Variants in ZNF844 observed in about 807,000 individuals in gnomAD.
ZNF844 encodes zinc finger protein 844.
A neutral mutation model predicts 11.4 loss-of-function variants in ZNF844; 11 were observed. That is an observed-to-expected ratio of 0.97 (90% confidence interval 0.61 to 1.60). The LOEUF (loss-of-function observed/expected upper bound fraction) is 1.60, where lower values mean the gene tolerates loss of function less well. Among genes scored for constraint, ZNF844 ranks in the 40% most tolerant of loss-of-function variants. ZNF844 has a pLI of 0.00. For missense variants in ZNF844, 790 were observed against 796.8 expected, an observed-to-expected ratio of 0.99 and a Z score of 0.10; for synonymous variants, 248 against 260.3, an observed-to-expected ratio of 0.95 and a Z score of 0.46.
chr19:12,076,817 A>C lies in ZNF844; in HGVS notation c.1697A>C (p.His566Pro). The C allele has an allele frequency of 6.4e-7, 1 of 1,561,084 alleles. No homozygotes were observed. ...AACCCTATAAGGAATATGGAAAAGC[A>C]TTCAACAATTTCTCTTCCTTTCAAA... Reference protein sequence around the residue: ...ERNPIRNMEKHSTISLPFKYM... With the variant: ...ERNPIRNMEKPSTISLPFKYM... Residue 566 changes from histidine to proline, a missense_variant, in exon 4 of 4, where the codon CAT becomes CCT. His to Pro is a moderately conservative substitution (Grantham distance 77). Coordinates refer to ENST00000439326, the MANE Select transcript of ZNF844 (RefSeq NM_001136501.3).
chr19:12,075,510 G>T lies in ZNF844; in HGVS notation c.390G>T (p.Pro130=), dbSNP rs768064163. The T allele has an allele frequency of 6.2e-7, 1 of 1,613,818 alleles. No individual in the cohort carries two copies. ...TTAGAGCTGACACTGCACACAAGCC[G>T]TCTGAGTATCAGGAATATGGACAGG... ...RHIRADTAHK[P]SEYQEYGQEP... Residue 130 remains proline, a synonymous_variant, in exon 4 of 4, where the codon CCG becomes CCT. Coordinates refer to ENST00000439326, the MANE Select transcript of ZNF844 (RefSeq NM_001136501.3).
chr19:12,069,053 C>T (rs1399610115), intron 1 of ZNF844, among the ~76,000 whole-genome samples: 3 of 152,178 alleles, frequency 2.0e-5, no homozygotes, highest in Non-Finnish European at 2.9e-5. Flanking sequence ...TGAGGATCCA[C>T]AGGCAGATGC....
chr19:12,073,890 A>C, intron 1 of ZNF844, 141 bp from the exon 2 acceptor site: 4 of 1,088,782 alleles, frequency 3.7e-6, no homozygotes, highest in South Asian at 1.8e-5. Context: ...AAGTGTAGAC[A>C]GAGAGTAATG....
rs766366893 is a variant in ZNF844, at chr19:12,076,046, A to G, written c.926A>G (p.Tyr309Cys). The change falls in exon 4 of 4, where the codon TAT (tyrosine) becomes TGT (cysteine). Residue 309 changes from tyrosine to cysteine, a missense_variant. This residue lies in a region of ZNF844 where 657 missense variants were observed against 636.2 expected (regional missense o/e 1.03). Transcript: ENST00000439326. ...HERTHSEEKA[Y>C]ECTKCGKAFK... ...AGAACTCACAGTGAGGAGAAGGCTT[A>G]TGAATGTACCAAATGTGGGAAAGCA... is the stretch of plus-strand genomic sequence containing the variant. 7 of 1,565,532 alleles carry G rather than the reference A, an allele frequency of 4.5e-6. No individual in the cohort carries two copies. The South Asian group carries it at 8.1e-5, about 18-fold the overall frequency.
chr19:12,074,500 A>G, intron 3 of ZNF844, 79 bp downstream of exon 3: 6 of 999,574 alleles, frequency 6.0e-6, no homozygotes, highest in Middle Eastern at 2.1e-4. Context: ...AGAAGCAAAT[A>G]AAGGAAATAT....
Position 12,076,373 on chromosome 19 carries a change from A to G in ZNF844, c.1253A>G (p.Asn418Ser), listed in dbSNP as rs753257515. The change falls in exon 4 of 4, where the codon AAC becomes AGC. Residue 418 changes from asparagine (N) to serine (S), a missense_variant. Transcript: ENST00000439326. ...TIMKGLTLER[N>S]PMNVSSVVKP... is the part of the protein sequence containing the mutation. Reference sequence around the variant, plus strand: ...ATGAAAGGACTCACACTGGAGAGAAACCCTATGAATGTAAGCAGTGTAGTA... The same window carrying G: ...ATGAAAGGACTCACACTGGAGAGAAGCCCTATGAATGTAAGCAGTGTAGTA... The G allele has an allele frequency of 1.9e-6, 3 of 1,610,316 alleles. No individual in the cohort carries two copies. Among genetic ancestry groups the G allele is most frequent in the Non-Finnish European group, 2.5e-6 (3 of 1,177,060 alleles).
At chr19:12,072,942 G>A (rs1342705130) in intron 1 of ZNF844, among the ~76,000 whole-genome samples, 1 of 152,068 alleles carries the variant, frequency 6.6e-6, no homozygotes, top group Non-Finnish European at 1.5e-5. Flanking sequence ...TCTGAATATT[G>A]AGACTTTTCC....
intron 1 of ZNF844, among the ~76,000 whole-genome samples, chr19:12,073,335 T>A (rs549358648): frequency 5.3e-5 from 8 of 152,074 alleles, no homozygotes; most frequent in Non-Finnish European, 1.0e-4. Flanking sequence ...AATTTTGTAT[T>A]TTTAGTAGAG....
chr19:12,067,655 G>A (rs188200515), intron 1 of ZNF844, among the ~76,000 whole-genome samples: 1,469 of 140,422 alleles, frequency 0.01, 17 homozygotes, highest in Middle Eastern at 0.018. Context: ...GGTGGCTCAC[G>A]CCTGTAATCC....
At chr19:12,074,672 A>G (rs1278919715) in intron 3 of ZNF844, among the ~76,000 whole-genome samples, 1 of 152,212 alleles carries the variant, frequency 6.6e-6, no homozygotes, top group African/African-American at 2.4e-5. Flanking sequence ...GAGCCTGAGC[A>G]AAATGGCGAG....
At chr19:12,069,956 A>T (rs76553160) in intron 1 of ZNF844, among the ~76,000 whole-genome samples, 1 of 149,390 alleles carries the variant, frequency 6.7e-6, no homozygotes, top group Non-Finnish European at 1.5e-5. Context: ...TCCGTCTCAA[A>T]AAAAAAAAAA....
chr19:12,074,982 A>G (rs1421910463), intron 3 of ZNF844, among the ~76,000 whole-genome samples: 2 of 152,152 alleles, frequency 1.3e-5, no homozygotes, highest in Non-Finnish European at 2.9e-5. Flanking sequence ...GCCATCTTAT[A>G]GCCATATGGT....
At position 12,076,029 on chromosome 19, in the gene ZNF844, C is replaced by T; in HGVS notation, c.909C>T (p.His303=). The change falls in exon 4 of 4, where the codon CAC becomes CAT. Residue 303 remains histidine, a synonymous_variant. Transcript: ENST00000439326. ...FHSFQIHERT[H]SEEKAYECTK... Reference sequence around the variant, plus strand: ...CCTTTCAAATACATGAAAGAACTCACAGTGAGGAGAAGGCTTATGAATGTA... The same window carrying T: ...CCTTTCAAATACATGAAAGAACTCATAGTGAGGAGAAGGCTTATGAATGTA... 6.4e-7 allele frequency: 1 copy of T among 1,569,466 alleles called. No individual in the cohort carries two copies. Among genetic ancestry groups the T allele is most frequent in the Non-Finnish European group, 8.6e-7 (1 of 1,156,722 alleles).
chr19:12,069,772 T>C (rs1489976257), intron 1 of ZNF844, among the ~76,000 whole-genome samples: 2 of 150,986 alleles, frequency 1.3e-5, no homozygotes, highest in Non-Finnish European at 3.0e-5. Context: ...CTGACCAACA[T>C]GGTGAAACCC....
rs1011352606 is a variant in ZNF844 at position 12,077,189 on chromosome 19, G to T, written c.*68G>T. The T allele has an allele frequency of 2.5e-6, 4 of 1,602,644 alleles. No homozygotes were observed. The African/African-American group carries it at 4.0e-5, about 16-fold the overall frequency. ...CTGGTTCCTTTCAGTGTCATAAAAG[G>T]ATTCACACTGGAGAGAAACCCTATG... On this transcript the variant is annotated 3_prime_UTR_variant, in exon 4 of 4. Transcript: ENST00000439326.
In ZNF844 at chr19:12,075,990, C is replaced by A; in HGVS notation, c.870C>A (p.Phe290Leu). Residue 290 changes from phenylalanine to leucine, a missense_variant, in exon 4 of 4, where the codon TTC (phenylalanine) becomes TTA (leucine). This residue lies in a region of ZNF844 where 657 missense variants were observed against 636.2 expected (regional missense o/e 1.03). Transcript: ENST00000439326. ...AATGCAAACAATGTGGAAAAGCCTT[C>A]AGATGGTTCCATTCCTTTCAAATAC... ...PYECKQCGKA[F>L]RWFHSFQIHE... 1 of 1,584,468 alleles carries A rather than the reference C, an allele frequency of 6.3e-7. No homozygotes were observed. The highest frequency in any genetic ancestry group is 2.3e-5 in the East Asian group (1 of 43,112).
rs372032715 is a variant in ZNF844, at chr19:12,072,732, C to T, written c.4-1299C>T. Among the ~76,000 whole-genome samples the T allele has an allele frequency of 3.9e-5, 6 of 152,114 alleles. No individual in the cohort carries two copies. The South Asian group carries it at 1.2e-3, about 32-fold the overall frequency. On this transcript the variant is annotated intron_variant, in intron 1 of 3. Coordinates refer to ENST00000439326, the MANE Select transcript of ZNF844 (RefSeq NM_001136501.3). ...CTGAGTAGCTAGGATTACAGGCACC[C>T]ACCACCATGCCTGGCTAATTTTTTG...
intron 1 of ZNF844, among the ~76,000 whole-genome samples, chr19:12,071,615 G>A (rs945079928): frequency 6.6e-6 from 1 of 150,980 alleles, no homozygotes; most frequent in African/African-American, 2.4e-5. Flanking sequence ...GTCCACTGAC[G>A]TTTTCATGAG....
intron 1 of ZNF844, among the ~76,000 whole-genome samples, chr19:12,073,285 G>A (rs1259746411): frequency 4.6e-5 from 7 of 151,766 alleles, no homozygotes; most frequent in East Asian, 3.9e-4. Flanking sequence ...TCAGCCTCCC[G>A]AGTACCTGGG....
Sources: gnomAD v4.1 joint callset for allele counts (sites outside exome capture counted in the v4.1 genomes callset) on GRCh38, gnomAD v4.1.1 for gene constraint, gnomAD v4.1.1 regional missense constraint, MANE v1.5 for transcripts, NCBI Gene and HGNC (gene_info 2026-07-23, HGNC 2026-07-21) for gene names.